HERC1: variants seen among roughly 807,000 people sequenced by gnomAD.
HERC1 encodes HECT and RLD domain containing E3 ubiquitin protein ligase family member 1.
A neutral mutation model predicts 554.3 loss-of-function variants in HERC1; 160 were observed. That is an observed-to-expected ratio of 0.29 (90% CI 0.25 to 0.33). The LOEUF (loss-of-function observed/expected upper bound fraction) is 0.33, where lower values mean the gene tolerates loss of function less well. Among genes scored for constraint, HERC1 ranks in the 10% least tolerant of loss-of-function variants. HERC1 has a pLI of 1.00. For synonymous variants in HERC1, 2,175 were observed against 2,131.7 expected (o/e 1.02, Z -0.56); for missense variants, 4,919 against 5,918.5 (o/e 0.83, Z 5.54).
At position 63,666,167 on chromosome 15, in the gene HERC1, CA is replaced by C; in HGVS notation, c.8324-18del. On this transcript the variant is annotated intron_variant, in intron 41 of 77. Transcript: ENST00000443617. Reference sequence around the variant, plus strand: ...CCCTAGCACCTATACAGGGGAAAAACAGTCTGATGCTGACTTTGGGCAAAGA... The same window carrying C: ...CCCTAGCACCTATACAGGGGAAAAACGTCTGATGCTGACTTTGGGCAAAGA... 6.3e-7 allele frequency: 1 copy of C among 1,584,284 alleles called. No individual in the cohort carries two copies. Among genetic ancestry groups the C allele is most frequent in the East Asian group, 2.2e-5 (1 of 44,508 alleles).
At chr15:63,685,892 T>C (rs187626980) in intron 34 of HERC1, among the ~76,000 whole-genome samples, 1 of 152,336 alleles carries the variant, frequency 6.6e-6, no homozygotes, top group East Asian at 1.9e-4. Flanking sequence ...TTATTGTATC[T>C]AGATTGTACA....
rs545526292 is a variant in HERC1 at position 63,790,349 on chromosome 15, C to T, written c.-26-14700G>A. ...ATCCCAGCACTTTAGGAGGCCGAGG[C>T]GGGCGGATCACGAGGTCAGGAGATC... On this transcript the variant is annotated intron_variant, in intron 1 of 77. Transcript: ENST00000443617. Among the ~76,000 whole-genome samples the T allele has an allele frequency of 8.2e-4, 125 of 152,206 alleles. 2 individuals carry two copies. The South Asian group carries it at 0.024, about 29-fold the overall frequency.
intron 12 of HERC1, among the ~76,000 whole-genome samples, chr15:63,743,247 T>A (rs2074891303): frequency 7.1e-6 from 1 of 140,656 alleles, no homozygotes; most frequent in South Asian, 2.1e-4. Flanking sequence ...TTCTTTTTTT[T>A]TCTTTTTTTC....
chr15:63,754,462 C>A, intron 7 of HERC1, 43 bp downstream of exon 7: 1 of 1,510,056 alleles, frequency 6.6e-7, no homozygotes, highest in Non-Finnish European at 8.9e-7. Context: ...TTAAAAAACT[C>A]AAGAAAAAAG....
chr15:63,739,665 C>T (rs982211602), intron 12 of HERC1, among the ~76,000 whole-genome samples: 7 of 151,862 alleles, frequency 4.6e-5, no homozygotes, highest in African/African-American at 1.4e-4. Flanking sequence ...ATGGTGAAAC[C>T]CTGTCTCTAC....
intron 43 of HERC1, among the ~76,000 whole-genome samples, chr15:63,663,441 C>A (rs1314026049): frequency 6.6e-6 from 1 of 152,016 alleles, no homozygotes; most frequent in Admixed American, 6.6e-5. Context: ...AGAATCCATG[C>A]GATGCTTTAT....
intron 33 of HERC1, among the ~76,000 whole-genome samples, chr15:63,688,264 TG>T (rs2071896248): frequency 6.6e-6 from 1 of 151,984 alleles, no homozygotes; most frequent in Non-Finnish European, 1.5e-5. Context: ...GATAGAGAAA[TG>T]GGGGTGAGGC....
intron 5 of HERC1, 50 bp from the exon 6 acceptor site, chr15:63,755,375 T>C (rs2075388266): frequency 7.5e-7 from 1 of 1,338,584 alleles, no homozygotes; most frequent in Non-Finnish European, 1.1e-6. Flanking sequence ...TTAAAACATA[T>C]AGTCCGTATT....
At chr15:63,634,678 C>G in intron 66 of HERC1, 55 bp downstream of exon 66, 1 of 1,491,522 alleles carries the variant, frequency 6.7e-7, no homozygotes, top group Non-Finnish European at 9.2e-7. Flanking sequence ...TAAGCGAACA[C>G]AGAAGAAATG....
At position 63,758,448 on chromosome 15, in the gene HERC1, T is replaced by C; in HGVS notation, c.1027-79A>G. On this transcript the variant is annotated intron_variant, in intron 3 of 77. Transcript: ENST00000443617. The surrounding 1 kb of genome is among the most constrained non-coding windows in gnomAD (Gnocchi z 4.0). ...ATTTTTTATACATATCCTCTGAAATTACTGTTGCCTTTCCTTCCAACACTC... is the reference window on the plus strand; with the variant it reads ...ATTTTTTATACATATCCTCTGAAATCACTGTTGCCTTTCCTTCCAACACTC... 1 of 946,964 alleles carries C rather than the reference T, an allele frequency of 1.1e-6. No individual in the cohort carries two copies. Among genetic ancestry groups the C allele is most frequent in the Non-Finnish European group, 1.6e-6 (1 of 644,994 alleles). 58.7% of individuals were successfully genotyped at this position (946,964 alleles called of 1,614,324 possible). A position where few individuals can be genotyped will look rare whatever the true frequency, so the allele number is the denominator to read the frequency against.
chr15:63,678,437 T>G lies in HERC1; in HGVS notation c.6550-72A>C, dbSNP rs1270492109. 8 of 1,452,508 alleles carry G rather than the reference T, an allele frequency of 5.5e-6. No homozygotes were observed. The African/African-American group carries it at 8.6e-5, about 16-fold the overall frequency. The allele number at this position is 1,452,508 out of a possible 1,614,324, so 90.0% of individuals were successfully genotyped here. A position where few individuals can be genotyped will look rare whatever the true frequency, so the allele number is the denominator to read the frequency against. Reference sequence around the variant, plus strand: ...TTCTTAGTCACTATAAATTCTAACATGTAGAATCCCATGTTGAACTAGTAT... The same window carrying G: ...TTCTTAGTCACTATAAATTCTAACAGGTAGAATCCCATGTTGAACTAGTAT... On this transcript the variant is annotated intron_variant, in intron 36 of 77. Transcript: ENST00000443617.
intron 1 of HERC1, among the ~76,000 whole-genome samples, chr15:63,803,973 T>C (rs1479838409): frequency 6.6e-6 from 1 of 152,120 alleles, no homozygotes; most frequent in Admixed American, 6.5e-5. Context: ...GGTACAGAAA[T>C]AGACCCACAT....
In HERC1 at chr15:63,712,855, T is replaced by A; in HGVS notation, c.4504A>T (p.Ser1502Cys). 1 of 1,613,828 alleles carries A rather than the reference T, an allele frequency of 6.2e-7. No individual in the cohort carries two copies. Residue 1502 changes from serine to cysteine, a missense_variant, in exon 24 of 78, where the codon AGC (serine) becomes TGC (cysteine). Ser to Cys is a moderately radical substitution (Grantham distance 112). This residue lies in a region of HERC1 where 1,121 missense variants were observed against 1,244.0 expected (regional missense o/e 0.90). Transcript: ENST00000443617. Reference protein sequence around the residue: ...LTAESRLVHTSPNYRLIKSRS... With the variant: ...LTAESRLVHTCPNYRLIKSRS... ...GATTTGATCAGTCTATAATTTGGGC[T>A]TGTGTGGACTAGCCGGCTCTCTGCA...
At chr15:63,689,826 C>T (rs1456320465) in intron 32 of HERC1, 127 bp from the exon 33 acceptor site, 1 of 547,230 alleles carries the variant, frequency 1.8e-6, no homozygotes, top group Non-Finnish European at 3.2e-6. Flanking sequence ...TGTTCAACAG[C>T]TACTTTTAGT....
chr15:63,817,601 G>C (rs1361199408), intron 1 of HERC1, among the ~76,000 whole-genome samples: 1 of 152,156 alleles, frequency 6.6e-6, no homozygotes, highest in Non-Finnish European at 1.5e-5. Flanking sequence ...TGTAATCCCA[G>C]CTACTTGGGA....
Position 63,713,653 on chromosome 15 carries a change from C to A in HERC1, c.4163G>T (p.Cys1388Phe). Residue 1388 changes from cysteine to phenylalanine, a missense_variant, in exon 23 of 78, where the codon TGT becomes TTT. Coordinates refer to ENST00000443617, the MANE Select transcript of HERC1 (RefSeq NM_003922.4). ...EVMTAGKIFQ[C>F]FLSAREVARS... ...AGCTACTTCACGGGCTGAGAGGAAACACTGAAAGATTTCTGTAACATGCAA... is the reference window on the plus strand; with the variant it reads ...AGCTACTTCACGGGCTGAGAGGAAAAACTGAAAGATTTCTGTAACATGCAA... 1 of 1,609,098 alleles carries A rather than the reference C, an allele frequency of 6.2e-7. No homozygotes were observed. The highest frequency in any genetic ancestry group is 8.5e-7 in the Non-Finnish European group (1 of 1,177,258).
chr15:63,823,524 A>C (rs562895279), intron 1 of HERC1, among the ~76,000 whole-genome samples: 2 of 152,300 alleles, frequency 1.3e-5, no homozygotes, highest in Admixed American at 6.5e-5. Flanking sequence ...GAAAGAACAG[A>C]TCTAACTGGT....
At chr15:63,764,466 G>A (rs766121611) in intron 2 of HERC1, among the ~76,000 whole-genome samples, 3 of 152,144 alleles carry the variant, frequency 2.0e-5, no homozygotes, top group Non-Finnish European at 4.4e-5. Context: ...CAGGGCTCTC[G>A]AAACAATCAA....
intron 54 of HERC1, 40 bp downstream of exon 54, chr15:63,649,685 T>C (rs754152116): frequency 5.9e-6 from 9 of 1,533,568 alleles, no homozygotes; most frequent in Admixed American, 1.8e-5. Context: ...AGAAAGGAAG[T>C]TGGAGACTCC....
Sources: allele counts gnomAD v4.1 joint callset (sites outside exome capture counted in the v4.1 genomes callset), GRCh38; gene constraint gnomAD v4.1.1; regional missense constraint gnomAD v4.1.1; non-coding constraint Gnocchi (gnomAD v3.1); transcripts MANE v1.5; gene names NCBI Gene and HGNC (gene_info 2026-07-23, HGNC 2026-07-21).